FGD6: variants seen among roughly 807,000 people sequenced by gnomAD.
FGD6 encodes FYVE, RhoGEF and PH domain-containing protein 6.
Under a neutral mutation model 149.4 loss-of-function variants are expected in FGD6, and 90 were observed. The observed-to-expected ratio is 0.60, with a 90% CI of 0.51 to 0.72. FGD6 has a LOEUF of 0.72. FGD6 is among the 30% of genes least tolerant of loss of function. FGD6 has a pLI of 0.00. For synonymous variants in FGD6, 527 were observed against 584.0 expected, an observed-to-expected ratio of 0.90 and a Z score of 1.41; for missense variants, 1,437 against 1,684.8, an observed-to-expected ratio of 0.85 and a Z score of 2.57.
chr12:95,180,690 G>A (rs1241968862), intron 2 of FGD6, among the ~76,000 whole-genome samples: 1 of 152,050 alleles, frequency 6.6e-6, no homozygotes, highest in Non-Finnish European at 1.5e-5. Flanking sequence ...ACTCCTGGCT[G>A]AGAGATTTTA....
chr12:95,177,527 GTCTTTC>G (rs887027783), intron 2 of FGD6, among the ~76,000 whole-genome samples: 1 of 152,034 alleles, frequency 6.6e-6, no homozygotes, highest in Non-Finnish European at 1.5e-5. Context: ...AACTTCTGTG[GTCTTTC>G]TCTTCCTCTT....
rs1371260155 is a variant in FGD6 at position 95,092,698 on chromosome 12, C to A, written c.3747+1G>T. On this transcript the variant is annotated splice_donor_variant, in intron 16 of 20. Coordinates refer to ENST00000343958, the MANE Select transcript of FGD6 (RefSeq NM_018351.4). LOFTEE classifies it high-confidence loss of function. ...TGGAGATGGGTGTTATCATCGCCAA[C>A]CTTTCCACAGGCCCGGCAGTGGTGT... 6.2e-7 allele frequency: 1 copy of A among 1,613,816 alleles called. No individual in the cohort carries two copies. Among genetic ancestry groups the A allele is most frequent in the Non-Finnish European group, 8.5e-7 (1 of 1,179,940 alleles).
chr12:95,150,109 C>T (rs1025821142), intron 5 of FGD6, among the ~76,000 whole-genome samples: 1 of 150,960 alleles, frequency 6.6e-6, no homozygotes, highest in Non-Finnish European at 1.5e-5. Flanking sequence ...CTCACCGCAA[C>T]CTCTGCCTCC....
chr12:95,082,813 C>A (rs1195103324), intron 20 of FGD6, among the ~76,000 whole-genome samples: 1 of 149,814 alleles, frequency 6.7e-6, no homozygotes, highest in African/African-American at 2.5e-5. Flanking sequence ...TGCTTCTGAA[C>A]TTTTTCTTCT....
At chr12:95,157,439 G>A (rs1306861821) in intron 3 of FGD6, among the ~76,000 whole-genome samples, 2 of 151,960 alleles carry the variant, frequency 1.3e-5, no homozygotes, top group Non-Finnish European at 2.9e-5. Flanking sequence ...GGTGGCAGAT[G>A]CCTGTAATCC....
At chr12:95,100,818 G>A (rs1402930460) in intron 14 of FGD6, 1 of 415,196 alleles carries the variant, frequency 2.4e-6, no homozygotes, top group Non-Finnish European at 4.7e-6. Flanking sequence ...TTGATGGTAA[G>A]GATCAGGACC....
Position 95,211,139 on chromosome 12 carries a change from T to C in FGD6, c.145A>G (p.Lys49Glu), listed in dbSNP as rs146894813. The C allele has an allele frequency of 2.5e-5, 41 of 1,614,112 alleles. No homozygotes were observed. Among genetic ancestry groups the C allele is most frequent in the Non-Finnish European group, 3.5e-5 (41 of 1,180,048 alleles). The change falls in exon 2 of 21, where the codon AAA (lysine) becomes GAA (glutamate). Residue 49 changes from lysine (K) to glutamate (E), a missense_variant. By Grantham distance (56) the Lys-to-Glu change is moderately conservative. Transcript: ENST00000343958. ...TTTGGTTTTGGGGCTATTGCTGGTTTCATTTTCTTTGTCGACTGTGGAACA... is the reference window on the plus strand; with the variant it reads ...TTTGGTTTTGGGGCTATTGCTGGTTCCATTTTCTTTGTCGACTGTGGAACA... ...SSVPQSTKKM[K>E]PAIAPKPKVL...
chr12:95,172,322 G>A (rs1389069848), intron 3 of FGD6, among the ~76,000 whole-genome samples: 1 of 152,210 alleles, frequency 6.6e-6, no homozygotes, highest in Non-Finnish European at 1.5e-5. Context: ...GTTGCAGTGA[G>A]CTGAGATGGC....
At chr12:95,136,577 G>C (rs1297280934) in intron 7 of FGD6, among the ~76,000 whole-genome samples, 1 of 152,132 alleles carries the variant, frequency 6.6e-6, no homozygotes. Flanking sequence ...TCAAAGCTTT[G>C]GCTGACACAT....
At chr12:95,107,678 A>G (rs1181735520) in intron 11 of FGD6, 47 bp from the exon 12 acceptor site, 3 of 1,583,038 alleles carry the variant, frequency 1.9e-6, no homozygotes, top group Non-Finnish European at 2.6e-6. Flanking sequence ...ATCACAACAC[A>G]ACGACAATAT....
intron 14 of FGD6, among the ~76,000 whole-genome samples, chr12:95,103,463 CA>C (rs900958374): frequency 7.2e-5 from 11 of 152,164 alleles, no homozygotes; most frequent in African/African-American, 2.4e-4. Flanking sequence ...ATTATGGCAA[CA>C]TATTAAGTCA....
chr12:95,211,021 T>A lies in FGD6; in HGVS notation c.263A>T (p.Glu88Val). Residue 88 changes from glutamate (E) to valine (V), a missense_variant, in exon 2 of 21, where the codon GAA (glutamate) becomes GTA (valine). Glu to Val is a moderately radical substitution (Grantham distance 121). This residue lies in a region of FGD6 where 1,055 missense variants were observed against 1,146.0 expected (regional missense o/e 0.92). Coordinates refer to ENST00000343958, the MANE Select transcript of FGD6 (RefSeq NM_018351.4). ...TTTACAATTAAAGTTGTCAGTGCTT[T>A]CAGCTAATTCCTGTTTATGCCCTTC... ...NLEGHKQELAESTDNFNCKYE... is the reference protein window; with the variant it reads ...NLEGHKQELAVSTDNFNCKYE... The A allele has an allele frequency of 6.2e-7, 1 of 1,614,172 alleles. No individual in the cohort carries two copies.
chr12:95,167,162 CT>C (rs1385738415), intron 3 of FGD6, among the ~76,000 whole-genome samples: 2 of 152,088 alleles, frequency 1.3e-5, no homozygotes, highest in Admixed American at 6.6e-5. Context: ...GCCCTTTCTA[CT>C]TTTTTGACTA....
intron 2 of FGD6, among the ~76,000 whole-genome samples, chr12:95,177,865 C>T (rs564526358): frequency 9.9e-5 from 15 of 152,000 alleles, no homozygotes; most frequent in Non-Finnish European, 1.8e-4. Context: ...CTGCAGATTC[C>T]ACTGTCACAG....
chr12:95,112,097 G>A (rs1196131158), intron 9 of FGD6, among the ~76,000 whole-genome samples: 1 of 151,954 alleles, frequency 6.6e-6, no homozygotes, highest in African/African-American at 2.4e-5. Flanking sequence ...AGCAGGGTGT[G>A]ATGGTATGTG....
At position 95,077,334 on chromosome 12, in the gene FGD6, C is replaced by T. The variant is rs35846483; in HGVS notation, c.*4186G>A. On this transcript the variant is annotated 3_prime_UTR_variant, in exon 21 of 21. Transcript: ENST00000343958. ...AAAAGATATGAACTGAAGGCTGTGT[C>T]GGGGCTGCAGGAAGGAGACAGGATC... 12,526 of 152,144 alleles carry T rather than the reference C, an allele frequency of 0.082. 586 individuals are homozygous for T. The highest frequency in any genetic ancestry group is 0.15 in the East Asian group (794 of 5,182). The allele number at this position is 152,144 out of a possible 1,614,324, so 9.4% of individuals were successfully genotyped here. A position where few individuals can be genotyped will look rare whatever the true frequency, so the allele number is the denominator to read the frequency against.
Position 95,137,532 on chromosome 12 carries a change from C to A in FGD6, c.2984G>T (p.Arg995Ile). The change falls in exon 7 of 21, where the codon AGA becomes ATA. Residue 995 changes from arginine to isoleucine, a missense_variant. Physicochemically the swap from Arg to Ile is moderately conservative, Grantham distance 97. This residue lies in a region of FGD6 where 382 missense variants were observed against 538.7 expected (regional missense o/e 0.71). Coordinates refer to ENST00000343958, the MANE Select transcript of FGD6 (RefSeq NM_018351.4). ...KKNPGFAAVV[R>I]EFEMSPRCAN... is the part of the protein sequence containing the mutation. ...GATAGTAGCAAATACCTCAAATTCT[C>A]TAACAACAGCAGCAAAACCTGGATT... 6.3e-7 allele frequency: 1 copy of A among 1,581,394 alleles called. No individual in the cohort carries two copies. Among genetic ancestry groups the A allele is most frequent in the South Asian group, 1.2e-5 (1 of 84,430 alleles).
At position 95,106,941 on chromosome 12, in the gene FGD6, CAG is replaced by C; in HGVS notation, c.3417+11_3417+12del. ...ACAAAACAAAAAACAAAACATCTAA[CAG>C]ATGCACACACCTTCATTCCAGCCAG... On this transcript the variant is annotated intron_variant, in intron 13 of 20. Transcript: ENST00000343958. The C allele has an allele frequency of 4.5e-6, 7 of 1,541,780 alleles. No individual in the cohort carries two copies. In the South Asian group the frequency reaches 7.9e-5, roughly 17 times the overall value.
Position 95,210,077 on chromosome 12 carries a change from CT to C in FGD6, c.1206del (p.Ala403ProfsTer22). On this transcript the variant is annotated frameshift_variant, in exon 2 of 21. Coordinates refer to ENST00000343958, the MANE Select transcript of FGD6 (RefSeq NM_018351.4). LOFTEE classifies it high-confidence loss of function. ...SDAQDLVNSQ[K>X]AMCNETTSFE... Reference sequence around the variant, plus strand: ...AAGGAAGTTGTTTCATTACACATGGCTTTCTGTGAATTGACTAAGTCCTGTG... The same window carrying C: ...AAGGAAGTTGTTTCATTACACATGGCTTCTGTGAATTGACTAAGTCCTGTG... 1 of 1,614,118 alleles carries C rather than the reference CT, an allele frequency of 6.2e-7. No homozygotes were observed. Among genetic ancestry groups the C allele is most frequent in the Non-Finnish European group, 8.5e-7 (1 of 1,180,038 alleles).
Sources: gnomAD v4.1 joint callset for allele counts (sites outside exome capture counted in the v4.1 genomes callset) on GRCh38, gnomAD v4.1.1 for gene constraint, gnomAD v4.1.1 regional missense constraint, MANE v1.5 for transcripts, NCBI Gene and HGNC (gene_info 2026-07-23, HGNC 2026-07-21) for gene names.